Variants in TRIM3 observed in about 807,000 individuals in gnomAD.
TRIM3 encodes tripartite motif containing 3, also known as tripartite motif-containing protein 3.
In TRIM3, 13 loss-of-function variants were observed where a neutral mutation model predicts 66.6. That is an observed-to-expected ratio of 0.20 (90% CI 0.13 to 0.31). TRIM3 has a LOEUF of 0.31. Ranked by LOEUF, TRIM3 falls within the 10% of genes least tolerant of loss-of-function variation. The pLI is 1.00. For synonymous variants in TRIM3, 406 were observed against 411.7 expected (o/e 0.99, Z 0.17); for missense variants, 711 against 1,020.4 (o/e 0.70, Z 4.13).
intron 1 of TRIM3, among the ~76,000 whole-genome samples, chr11:6,467,418 G>GT (rs1850512347): frequency 6.6e-6 from 1 of 152,126 alleles, no homozygotes; most frequent in African/African-American, 2.4e-5. Flanking sequence ...GAAGAGGTGA[G>GT]TTTGGGAAGA....
chr11:6,456,313 CTCA>C lies in TRIM3; in HGVS notation c.1410_1412del (p.Asp470del). On this transcript the variant is annotated inframe_deletion, in exon 6 of 12. Transcript: ENST00000345851. The surrounding 1 kb of genome is among the most constrained non-coding windows in gnomAD (Gnocchi z 6.4). ...TGTCTGTACCAACACGGAAGACGAGCTCATCCTCAATTGGGTTGTCCTTTCGTT... is the reference window on the plus strand; with the variant it reads ...TGTCTGTACCAACACGGAAGACGAGCTCCTCAATTGGGTTGTCCTTTCGTT... The C allele has an allele frequency of 6.4e-7, 1 of 1,551,562 alleles. No homozygotes were observed. The highest frequency in any genetic ancestry group is 8.7e-7 in the Non-Finnish European group (1 of 1,144,910).
Position 6,457,181 on chromosome 11 carries a change from G to C in TRIM3, c.696+115C>G, listed in dbSNP as rs1461701474. ...ACAGCACCTACCGAGGGCATGTCAG[G>C]AGGCAGAATATCTAGGCTGGGGAAT... On this transcript the variant is annotated intron_variant, in intron 5 of 11. Coordinates refer to ENST00000345851, the MANE Select transcript of TRIM3 (RefSeq NM_033278.4). The surrounding 1 kb of genome is among the most constrained non-coding windows in gnomAD (Gnocchi z 4.5). The C allele has an allele frequency of 7.2e-6, 11 of 1,522,728 alleles. No homozygotes were observed. Among genetic ancestry groups the C allele is most frequent in the Non-Finnish European group, 9.8e-6 (11 of 1,125,976 alleles). The allele number at this position is 1,522,728 out of a possible 1,614,324, so 94.3% of individuals were successfully genotyped here. A position where few individuals can be genotyped will look rare whatever the true frequency, so the allele number is the denominator to read the frequency against.
intron 2 of TRIM3, among the ~76,000 whole-genome samples, chr11:6,461,800 A>G (rs1436707613): frequency 6.6e-6 from 1 of 151,900 alleles, no homozygotes; most frequent in Non-Finnish European, 1.5e-5. Flanking sequence ...CTCCTTTATA[A>G]TCCATTCTCT....
At position 6,451,341 on chromosome 11, in the gene TRIM3, T is replaced by C. The variant is rs369921459; in HGVS notation, c.1631A>G (p.Asn544Ser). ...QRPTGVAVDT[N>S]GDIIVADYDN... Reference sequence around the variant, plus strand: ...ATAGTCTGCCACAATTATGTCTCCATTGGTGTCCACTGCCACACCTGTGGG... The same window carrying C: ...ATAGTCTGCCACAATTATGTCTCCACTGGTGTCCACTGCCACACCTGTGGG... Residue 544 changes from asparagine to serine, a missense_variant, in exon 8 of 12, where the codon AAT becomes AGT. This residue lies in a region of TRIM3 where 163 missense variants were observed against 321.9 expected (regional missense o/e 0.51). Coordinates refer to ENST00000345851, the MANE Select transcript of TRIM3 (RefSeq NM_033278.4). 41 of 1,614,108 alleles carry C rather than the reference T, an allele frequency of 2.5e-5. No homozygotes were observed. The highest frequency in any genetic ancestry group is 3.3e-5 in the Admixed American group (2 of 60,010).
In TRIM3 at chr11:6,465,606, C is replaced by T. The variant is rs1282507420; in HGVS notation, c.90G>A (p.Gln30=). The change falls in exon 2 of 12, where the codon CAG becomes CAA. Residue 30 remains glutamine (Q), a synonymous_variant. Coordinates refer to ENST00000345851, the MANE Select transcript of TRIM3 (RefSeq NM_033278.4). ...LVCSICLDRY[Q]CPKVLPCLHT... Reference sequence around the variant, plus strand: ...GCAGGCAAGGAAGAACCTTGGGGCACTGGTACCGATCCAGGCAGATGCTGC... The same window carrying T: ...GCAGGCAAGGAAGAACCTTGGGGCATTGGTACCGATCCAGGCAGATGCTGC... 3 of 1,614,072 alleles carry T rather than the reference C, an allele frequency of 1.9e-6. No homozygotes were observed. Among genetic ancestry groups the T allele is most frequent in the African/African-American group, 2.7e-5 (2 of 74,918 alleles).
chr11:6,451,643 G>C (rs970328198), intron 7 of TRIM3: 3 of 584,872 alleles, frequency 5.1e-6, no homozygotes, highest in South Asian at 2.1e-5. Flanking sequence ...AACATGAAGG[G>C]ATGAAGGGGA....
chr11:6,457,516 G>A lies in TRIM3; in HGVS notation c.516-40C>T. 1.9e-6 allele frequency: 3 copies of A among 1,599,208 alleles called. No homozygotes were observed. The highest frequency in any genetic ancestry group is 2.2e-5 in the East Asian group (1 of 44,620). On this transcript the variant is annotated intron_variant, in intron 4 of 11. Coordinates refer to ENST00000345851, the MANE Select transcript of TRIM3 (RefSeq NM_033278.4). The surrounding 1 kb of genome is among the most constrained non-coding windows in gnomAD (Gnocchi z 4.5). ...TCTCATTCCAGAGTTGCTGAGGGTG[G>A]CTTTGCCGAACTTTCCCTTCTCCCT...
At chr11:6,454,576 G>T (rs184882339) in intron 7 of TRIM3, among the ~76,000 whole-genome samples, 33 of 152,270 alleles carry the variant, frequency 2.2e-4, no homozygotes, top group Non-Finnish European at 4.3e-4. Flanking sequence ...GCTGGAAGGT[G>T]TAACTGAGTA....
At chr11:6,468,499 C>G (rs1850556476) in intron 1 of TRIM3, among the ~76,000 whole-genome samples, 1 of 152,130 alleles carries the variant, frequency 6.6e-6, no homozygotes, top group South Asian at 2.1e-4. Flanking sequence ...GGGGAGCCAG[C>G]AAAGGTGACT....
chr11:6,469,709 C>G (rs887941383), intron 1 of TRIM3, among the ~76,000 whole-genome samples: 3 of 152,108 alleles, frequency 2.0e-5, no homozygotes, highest in Non-Finnish European at 4.4e-5. Flanking sequence ...TTCATGGATT[C>G]CACAATCTAA....
rs774955780 is a variant in TRIM3, at chr11:6,449,274, G to A, written c.2082+32C>T. 13 of 1,610,078 alleles carry A rather than the reference G, an allele frequency of 8.1e-6. No individual in the cohort carries two copies. The highest frequency in any genetic ancestry group is 3.3e-5 in the South Asian group (3 of 90,950). On this transcript the variant is annotated intron_variant, in intron 11 of 11. Transcript: ENST00000345851. The surrounding 1 kb of genome is among the most constrained non-coding windows in gnomAD (Gnocchi z 5.3). ...GGCATATGGGACACACCAGGAAACCGCCCCCTCATGTCATTCCCAGGCCTT... is the reference window on the plus strand; with the variant it reads ...GGCATATGGGACACACCAGGAAACCACCCCCTCATGTCATTCCCAGGCCTT...
Position 6,448,903 on chromosome 11 carries a change from C to T in TRIM3, c.*125G>A, listed in dbSNP as rs576391937. 4.0e-5 allele frequency: 49 copies of T among 1,210,480 alleles called. No individual in the cohort carries two copies. Among genetic ancestry groups the T allele is most frequent in the Admixed American group, 3.6e-4 (19 of 52,806 alleles). The allele number at this position is 1,210,480 out of a possible 1,614,324, so 75.0% of individuals were successfully genotyped here. ...GGTGGGGGTAGGAGAGGGAGGGCAC[C>T]GGGTGCACCCATGCCCACAGCCCAC... On this transcript the variant is annotated 3_prime_UTR_variant, in exon 12 of 12. Coordinates refer to ENST00000345851, the MANE Select transcript of TRIM3 (RefSeq NM_033278.4).
Position 6,456,384 on chromosome 11 carries a change from T to G in TRIM3, c.1342A>C (p.Lys448Gln). The G allele has an allele frequency of 6.5e-7, 1 of 1,530,842 alleles. No individual in the cohort carries two copies. The highest frequency in any genetic ancestry group is 8.8e-7 in the Non-Finnish European group (1 of 1,136,382). 94.8% of individuals were successfully genotyped at this position (1,530,842 alleles called of 1,614,324 possible). Residue 448 changes from lysine (K) to glutamine (Q), a missense_variant, in exon 6 of 12, where the codon AAG becomes CAG. Physicochemically the swap from Lys to Gln is moderately conservative, Grantham distance 53 (BLOSUM62 1). Transcript: ENST00000345851. The surrounding 1 kb of genome is among the most constrained non-coding windows in gnomAD (Gnocchi z 6.4). ...PGGPGSHVRQ[K>Q]AVRRPSSMYS... ...ATGGAGCTGGGCCTACGCACTGCCT[T>G]CTGGCGCACATGGCTGCCGGGGCCG...
intron 7 of TRIM3, chr11:6,452,404 G>A (rs1849760792): frequency 6.6e-6 from 1 of 152,220 alleles, no homozygotes; most frequent in Non-Finnish European, 1.5e-5. Flanking sequence ...TATAGGCTCT[G>A]GGGACACAAG....
Position 6,458,136 on chromosome 11 carries a change from C to A in TRIM3, c.292G>T (p.Asp98Tyr). Residue 98 changes from aspartate to tyrosine, a missense_variant, in exon 3 of 12, where the codon GAC becomes TAC. Physicochemically the swap from Asp to Tyr is radical, Grantham distance 160. This residue lies in a region of TRIM3 where 149 missense variants were observed against 240.3 expected (regional missense o/e 0.62). Transcript: ENST00000345851. The surrounding 1 kb of genome is among the most constrained non-coding windows in gnomAD (Gnocchi z 6.2). ...AMQQAPDGAHDPEDPHPLSVV... is the reference protein window; with the variant it reads ...AMQQAPDGAHYPEDPHPLSVV... ...CTGAGGGGGTGGGGGTCCTCCGGGT[C>A]GTGGGCCCCATCAGGTGCCTGCTGC... is the stretch of plus-strand genomic sequence containing the variant. 1 of 1,613,946 alleles carries A rather than the reference C, an allele frequency of 6.2e-7. No individual in the cohort carries two copies. Among genetic ancestry groups the A allele is most frequent in the Non-Finnish European group, 8.5e-7 (1 of 1,180,022 alleles).
At chr11:6,466,871 G>C (rs4758419) in intron 1 of TRIM3, among the ~76,000 whole-genome samples, 38,067 of 152,074 alleles carry the variant, frequency 0.25, 5,502 homozygotes, top group Non-Finnish European at 0.33. Context: ...TAATGTTCTT[G>C]TTACTTCTCT....
chr11:6,456,407 C>T lies in TRIM3; in HGVS notation c.1319G>A (p.Gly440Asp). 1 of 1,530,484 alleles carries T rather than the reference C, an allele frequency of 6.5e-7. No individual in the cohort carries two copies. Among genetic ancestry groups the T allele is most frequent in the Non-Finnish European group, 8.8e-7 (1 of 1,136,516 alleles). 94.8% of individuals were successfully genotyped at this position (1,530,484 alleles called of 1,614,324 possible). A position where few individuals can be genotyped will look rare whatever the true frequency, so the allele number is the denominator to read the frequency against. Residue 440 changes from glycine (G) to aspartate (D), a missense_variant, in exon 6 of 12, where the codon GGC becomes GAC. Physicochemically the swap from Gly to Asp is moderately conservative, Grantham distance 94. This residue lies in a region of TRIM3 where 399 missense variants were observed against 458.1 expected (regional missense o/e 0.87). Transcript: ENST00000345851. This position sits in a 1 kb window ranked among gnomAD's most constrained non-coding sequence, Gnocchi z 6.4. ...DVKRRVKSPG[G>D]PGSHVRQKAV... ...CTTCTGGCGCACATGGCTGCCGGGG[C>T]CGCCAGGGGACTTGACACGGCGCTT...
intron 7 of TRIM3, among the ~76,000 whole-genome samples, chr11:6,453,802 A>T (rs1054942905): frequency 1.3e-5 from 2 of 152,240 alleles, no homozygotes; most frequent in South Asian, 4.1e-4. Context: ...CCACCATAGA[A>T]GTGTCCAAAA....
chr11:6,448,670 T>C lies in TRIM3; in HGVS notation c.*358A>G. On this transcript the variant is annotated 3_prime_UTR_variant, in exon 12 of 12. Transcript: ENST00000345851. ...TGGGGTATTGCTGTCTCTGTCAGTG[T>C]GTATAGGGTGGTAGGGAGACAACTA... is the stretch of plus-strand genomic sequence containing the variant. The C allele has an allele frequency of 1.9e-6, 1 of 522,420 alleles. No individual in the cohort carries two copies. Among genetic ancestry groups the C allele is most frequent in the Non-Finnish European group, 3.4e-6 (1 of 292,058 alleles). 32.4% of individuals were successfully genotyped at this position (522,420 alleles called of 1,614,324 possible).
Sources: allele counts gnomAD v4.1 joint callset (sites outside exome capture counted in the v4.1 genomes callset), GRCh38; gene constraint gnomAD v4.1.1; regional missense constraint gnomAD v4.1.1; non-coding constraint Gnocchi (gnomAD v3.1); transcripts MANE v1.5; gene names NCBI Gene and HGNC (gene_info 2026-07-23, HGNC 2026-07-21).